WDR7: variants seen among roughly 807,000 people sequenced by gnomAD.
WDR7 encodes WD repeat domain 7, also known as WD repeat-containing protein 7.
WDR7 carries 46 observed loss-of-function variants against 169.4 expected under a neutral mutation model. The ratio of observed to expected loss-of-function variants is 0.27; its 90% CI spans 0.21 to 0.35. The LOEUF (loss-of-function observed/expected upper bound fraction) is 0.35, where lower values mean the gene tolerates loss of function less well. Among genes scored for constraint, WDR7 ranks in the 10% least tolerant of loss-of-function variants. The pLI is 1.00. For synonymous variants in WDR7, 612 were observed against 666.8 expected, an observed-to-expected ratio of 0.92 and a Z score of 1.27; for missense variants, 1,534 against 1,859.3, an observed-to-expected ratio of 0.83 and a Z score of 3.22.
intron 21 of WDR7, among the ~76,000 whole-genome samples, chr18:56,886,196 A>T (rs1479920810): frequency 1.3e-5 from 2 of 152,210 alleles, no homozygotes; most frequent in Non-Finnish European, 2.9e-5. Context: ...TAAAGTCGAG[A>T]TGAAGGAAAG....
intron 16 of WDR7, among the ~76,000 whole-genome samples, chr18:56,762,108 T>C (rs2043988489): frequency 6.6e-6 from 1 of 152,164 alleles, no homozygotes; most frequent in Admixed American, 6.5e-5. Flanking sequence ...GTATAACTTT[T>C]AATTTTCCTC....
At chr18:56,838,128 A>G (rs976595178) in intron 20 of WDR7, among the ~76,000 whole-genome samples, 1 of 152,194 alleles carries the variant, frequency 6.6e-6, no homozygotes, top group Non-Finnish European at 1.5e-5. Context: ...ATGATATATA[A>G]AAGACACATC....
In WDR7 at chr18:56,756,788, C is replaced by G. The variant is rs2043898275; in HGVS notation, c.2195C>G (p.Ser732Cys). Residue 732 changes from serine (S) to cysteine (C), a missense_variant, in exon 15 of 28, where the codon TCT becomes TGT. By Grantham distance (112) the Ser-to-Cys change is moderately radical. Coordinates refer to ENST00000254442, the MANE Select transcript of WDR7 (RefSeq NM_015285.3). The stretch of plus-strand genomic sequence containing the variant: ...TCTGGCAGTTCAGACAAAGGGGGCT[C>G]TTTTTTAACTGGAAAACGAGCAGCA... ...KASGSSDKGG[S>C]FLTGKRAAVL... 6.2e-7 allele frequency: 1 copy of G among 1,613,852 alleles called. No homozygotes were observed. The highest frequency in any genetic ancestry group is 1.3e-5 in the African/African-American group (1 of 74,866).
intron 19 of WDR7, among the ~76,000 whole-genome samples, chr18:56,806,342 G>A (rs766699352): frequency 5.3e-5 from 8 of 152,112 alleles, no homozygotes; most frequent in Non-Finnish European, 8.8e-5. Flanking sequence ...AACTACTCTT[G>A]ATTTTCTCTC....
rs141852863 is a variant in WDR7 at position 56,860,823 on chromosome 18, A to G, written c.3305-19121A>G. 5.6e-3 allele frequency among the ~76,000 whole-genome samples: 846 copies of G among 152,118 alleles called. 11 individuals carry two copies. The highest frequency in any genetic ancestry group is 0.019 in the African/African-American group (802 of 41,536). On this transcript the variant is annotated intron_variant, in intron 20 of 27. Coordinates refer to ENST00000254442, the MANE Select transcript of WDR7 (RefSeq NM_015285.3). Reference sequence around the variant, plus strand: ...AAATCTGATTTAGCTCAATTTTATAATTCTTTTTCTGCCTCTTTTTTTTTC... The same window carrying G: ...AAATCTGATTTAGCTCAATTTTATAGTTCTTTTTCTGCCTCTTTTTTTTTC...
At chr18:56,828,993 A>G (rs1315688068) in intron 20 of WDR7, among the ~76,000 whole-genome samples, 1 of 151,506 alleles carries the variant, frequency 6.6e-6, no homozygotes, top group Non-Finnish European at 1.5e-5. Flanking sequence ...CCCCCATCTC[A>G]TTGTTTTAGG....
chr18:56,977,204 A>C (rs1397382287), intron 26 of WDR7, among the ~76,000 whole-genome samples: 6 of 152,262 alleles, frequency 3.9e-5, no homozygotes, highest in Admixed American at 3.9e-4. Flanking sequence ...TCATCTTTAA[A>C]GGGCAGTCCA....
intron 19 of WDR7, among the ~76,000 whole-genome samples, chr18:56,804,821 C>G (rs1021968358): frequency 6.6e-6 from 1 of 152,182 alleles, no homozygotes; most frequent in African/African-American, 2.4e-5. Flanking sequence ...AAAGGAACAT[C>G]TCTTCATTTA....
At chr18:56,824,369 C>T (rs1406801381) in intron 20 of WDR7, among the ~76,000 whole-genome samples, 1 of 152,174 alleles carries the variant, frequency 6.6e-6, no homozygotes, top group Non-Finnish European at 1.5e-5. Context: ...GTTAAGTGAT[C>T]ATTTCACTTG....
chr18:56,936,489 G>T (rs1280334160), intron 23 of WDR7, among the ~76,000 whole-genome samples: 1 of 152,202 alleles, frequency 6.6e-6, no homozygotes, highest in Non-Finnish European at 1.5e-5. Flanking sequence ...AGGAAAGGAT[G>T]ATCAGCTCTT....
intron 21 of WDR7, among the ~76,000 whole-genome samples, chr18:56,885,490 T>C (rs1327209838): frequency 6.6e-6 from 1 of 151,710 alleles, no homozygotes; most frequent in Non-Finnish European, 1.5e-5. Flanking sequence ...TGAAATACAC[T>C]GGAAAGTCTC....
Position 56,746,396 on chromosome 18 carries a change from T to C in WDR7, c.1990-10187T>C, listed in dbSNP as rs543730018. ...AGAAAGGACGGGGTAGGAAAAAGGA[T>C]GGGAATGGTAAAAGGGGAGCAGATT... On this transcript the variant is annotated intron_variant, in intron 14 of 27. Transcript: ENST00000254442. Among the ~76,000 whole-genome samples the C allele has an allele frequency of 3.3e-5, 5 of 152,278 alleles. No individual in the cohort carries two copies. In the South Asian group the frequency reaches 6.2e-4, roughly 19 times the overall value.
intron 2 of WDR7, among the ~76,000 whole-genome samples, chr18:56,673,209 CCAACATAACA>C (rs931788664): frequency 7.3e-5 from 11 of 151,666 alleles, no homozygotes; most frequent in African/African-American, 2.7e-4. Context: ...ACGTCTAATT[CCAACATAACA>C]CCACAGCGTT....
At chr18:56,655,153 G>C (rs1375844670) in intron 1 of WDR7, among the ~76,000 whole-genome samples, 1 of 152,136 alleles carries the variant, frequency 6.6e-6, no homozygotes, top group African/African-American at 2.4e-5. Context: ...AGAGAGGTCT[G>C]GTTTCCTCCA....
At chr18:56,871,657 G>A (rs2045955187) in intron 20 of WDR7, among the ~76,000 whole-genome samples, 2 of 151,814 alleles carry the variant, frequency 1.3e-5, no homozygotes, top group Admixed American at 1.3e-4. Context: ...GGTTTTTAGG[G>A]TATATTGCAA....
At chr18:56,656,277 C>T (rs1406308147) in intron 1 of WDR7, among the ~76,000 whole-genome samples, 1 of 148,570 alleles carries the variant, frequency 6.7e-6, no homozygotes, top group Non-Finnish European at 1.5e-5. Flanking sequence ...GATACTGTCA[C>T]TGTTTTTTTT....
intron 20 of WDR7, among the ~76,000 whole-genome samples, chr18:56,848,906 A>C (rs2045603512): frequency 6.6e-6 from 1 of 152,150 alleles, no homozygotes; most frequent in Admixed American, 6.5e-5. Context: ...TTCTTCATAA[A>C]TTACCCAGCC....
intron 21 of WDR7, among the ~76,000 whole-genome samples, chr18:56,899,446 AAG>A (rs1355602058): frequency 2.6e-5 from 4 of 152,118 alleles, no homozygotes; most frequent in African/African-American, 7.2e-5. Context: ...AGGAGAAAAA[AAG>A]AAAAATCTTC....
At chr18:56,718,267 AG>A in intron 13 of WDR7, 108 bp downstream of exon 13, 3 of 1,168,084 alleles carry the variant, frequency 2.6e-6, no homozygotes, top group Non-Finnish European at 3.5e-6. Context: ...AATGTAAAAT[AG>A]TTGCTACTTT....
Sources: allele counts gnomAD v4.1 joint callset (sites outside exome capture counted in the v4.1 genomes callset), GRCh38; gene constraint gnomAD v4.1.1; transcripts MANE v1.5; gene names NCBI Gene and HGNC (gene_info 2026-07-23, HGNC 2026-07-21).